The following EHMT1 variants were observed in gnomAD, a reference collection of about 807,000 sequenced individuals.
EHMT1 encodes histone-lysine N-methyltransferase EHMT1.
Under a neutral mutation model 147.2 loss-of-function variants are expected in EHMT1, and 15 were observed. That is an observed-to-expected ratio of 0.10 (90% CI 0.07 to 0.16). The LOEUF is 0.16. EHMT1 is among the 10% of genes least tolerant of loss of function. The probability of loss-of-function intolerance (pLI) is 1.00; values close to 1 mark genes in which losing one functional copy is unlikely to be tolerated. For synonymous variants in EHMT1, 795 were observed against 709.6 expected (o/e 1.12, Z -1.91); for missense variants, 1,587 against 1,772.4 (o/e 0.90, Z 1.88).
At chr9:137,629,134 C>G (rs538532794) in intron 1 of EHMT1, among the ~76,000 whole-genome samples, 1 of 151,240 alleles carries the variant, frequency 6.6e-6, no homozygotes, top group East Asian at 1.9e-4. Context: ...CTCTCGTTGC[C>G]CAGGCTGGAG....
In EHMT1 at chr9:137,811,390, T is replaced by A; in HGVS notation, c.2713-71T>A. The A allele has an allele frequency of 3.1e-6, 5 of 1,602,118 alleles. No homozygotes were observed. The South Asian group carries it at 4.4e-5, about 14-fold the overall frequency. ...TCTCCCCGGGCACATGGGCTGCAGC[T>A]GCTGTGGCCCAGCCCCAGCACTGTG... On this transcript the variant is annotated intron_variant, in intron 18 of 26. Coordinates refer to ENST00000460843, the MANE Select transcript of EHMT1 (RefSeq NM_024757.5).
intron 2 of EHMT1, among the ~76,000 whole-genome samples, chr9:137,711,341 C>T (rs1488497043): frequency 1.3e-5 from 2 of 152,100 alleles, no homozygotes; most frequent in African/African-American, 2.4e-5. Context: ...GTCACGTCGC[C>T]GAAAACCGGA....
chr9:137,697,400 C>T (rs923956126), intron 1 of EHMT1, among the ~76,000 whole-genome samples: 2 of 152,192 alleles, frequency 1.3e-5, no homozygotes, highest in Admixed American at 6.5e-5. Context: ...GCTCATTTGC[C>T]CTGAGGGAGA....
rs1299215735 is a variant in EHMT1 at position 137,717,623 on chromosome 9, AAAAG to A, written c.642+443_642+446del. Among the ~76,000 whole-genome samples, 1,312 of 145,956 alleles carry A rather than the reference AAAAG, an allele frequency of 9.0e-3. 24 individuals are homozygous for A. Among genetic ancestry groups the A allele is most frequent in the Admixed American group, 0.04 (586 of 14,744 alleles). ...CCTGTCTCAAAAAAAAAAAAAAAAA[AAAAG>A]AGATGCTGCTAATGCCTTGTGCGTG... On this transcript the variant is annotated intron_variant, in intron 3 of 26. Transcript: ENST00000460843.
intron 1 of EHMT1, among the ~76,000 whole-genome samples, chr9:137,648,088 G>C (rs890631858): frequency 1.3e-5 from 2 of 151,992 alleles, no homozygotes; most frequent in Non-Finnish European, 2.9e-5. Context: ...TGGCTCCTGA[G>C]GTAATGAATT....
chr9:137,738,393 A>C (rs1163787654), intron 4 of EHMT1, among the ~76,000 whole-genome samples: 5 of 152,152 alleles, frequency 3.3e-5, no homozygotes. Context: ...GCAACTATCA[A>C]AACAGAAAAT....
intron 18 of EHMT1, among the ~76,000 whole-genome samples, chr9:137,805,781 G>A (rs1953896933): frequency 6.6e-6 from 1 of 151,852 alleles, no homozygotes. Context: ...TCATGCCTCA[G>A]CCTCCTGAGT....
In EHMT1 at chr9:137,809,969, C is replaced by A. The variant is rs55676822; in HGVS notation, c.2713-1492C>A. ...TCCGATGCCGCCCTGTGTGGACCGT[C>A]GGTGATGGGTCCGGAGGCGGTTCCG... On this transcript the variant is annotated intron_variant, in intron 18 of 26. Coordinates refer to ENST00000460843, the MANE Select transcript of EHMT1 (RefSeq NM_024757.5). Among the ~76,000 whole-genome samples, 201 of 109,598 alleles carry A rather than the reference C, an allele frequency of 1.8e-3. 62 individuals carry two copies. The highest frequency in any genetic ancestry group is 0.013 in the African/African-American group (188 of 14,432). The allele number at this position is 109,598 out of a possible 152,430, so 71.9% of individuals were successfully genotyped here.
intron 18 of EHMT1, 24 bp from the exon 19 acceptor site, chr9:137,811,437 G>A (rs370718549): frequency 6.2e-7 from 1 of 1,611,348 alleles, no homozygotes; most frequent in African/African-American, 1.3e-5. Flanking sequence ...AGCCTGCACT[G>A]AGCTCTGGCT....
At chr9:137,817,342 C>G in intron 23 of EHMT1, 97 bp from the exon 24 acceptor site, 1 of 1,390,938 alleles carries the variant, frequency 7.2e-7, no homozygotes, top group African/African-American at 1.4e-5. Context: ...AGTTTTCTTC[C>G]TCATTTCAGT....
At chr9:137,637,132 C>T (rs1443959093) in intron 1 of EHMT1, among the ~76,000 whole-genome samples, 2 of 151,670 alleles carry the variant, frequency 1.3e-5, no homozygotes, top group Admixed American at 6.6e-5. Flanking sequence ...CTCCTGACCT[C>T]GTGATCTGCC....
At chr9:137,794,336 G>T (rs149222090) in intron 16 of EHMT1, among the ~76,000 whole-genome samples, 22 of 152,270 alleles carry the variant, frequency 1.4e-4, no homozygotes, top group Non-Finnish European at 2.4e-4. Flanking sequence ...TCTGGCTGTA[G>T]AATTGCTAGA....
Position 137,798,859 on chromosome 9 carries a change from A to G in EHMT1, c.2552A>G (p.His851Arg). 1.2e-6 allele frequency: 2 copies of G among 1,614,208 alleles called. No homozygotes were observed. Among genetic ancestry groups the G allele is most frequent in the Non-Finnish European group, 1.7e-6 (2 of 1,180,026 alleles). Residue 851 changes from histidine to arginine, a missense_variant, in exon 17 of 27, where the codon CAC (histidine) becomes CGC (arginine). Around this residue, in one of 7 missense-constraint regions of EHMT1, gnomAD observed 201 missense variants for 350.1 expected, o/e 0.57. Coordinates refer to ENST00000460843, the MANE Select transcript of EHMT1 (RefSeq NM_024757.5). ...TTGCACCTGGCTGCCAAGAAAGGCCACTACGAAGTGGTCCAGTACCTGCTT... is the reference window on the plus strand; with the variant it reads ...TTGCACCTGGCTGCCAAGAAAGGCCGCTACGAAGTGGTCCAGTACCTGCTT... ...TCLHLAAKKG[H>R]YEVVQYLLSN... is the part of the protein sequence containing the mutation.
intron 15 of EHMT1, chr9:137,784,086 A>C (rs1951771202): frequency 8.2e-7 from 1 of 1,215,152 alleles, no homozygotes; most frequent in Non-Finnish European, 1.2e-6. Flanking sequence ...TTATAAAGAA[A>C]AGAAATTTAT....
intron 4 of EHMT1, 162 bp from the exon 5 acceptor site, chr9:137,743,209 T>C (rs1417308566): frequency 4.1e-6 from 3 of 733,358 alleles, no homozygotes; most frequent in Non-Finnish European, 6.6e-6. Context: ...GAAGGATGCC[T>C]GTCACTGTGC....
In EHMT1 at chr9:137,776,731, C is replaced by T; in HGVS notation, c.1905C>T (p.Ser635=). 1 of 1,614,040 alleles carries T rather than the reference C, an allele frequency of 6.2e-7. No homozygotes were observed. The highest frequency in any genetic ancestry group is 8.5e-7 in the Non-Finnish European group (1 of 1,180,004). The change falls in exon 12 of 27, where the codon TCC becomes TCT. Residue 635 remains serine (S), a synonymous_variant. Transcript: ENST00000460843. The surrounding 1 kb of genome is among the most constrained non-coding windows in gnomAD (Gnocchi z 4.4). ...GTCCCCACTGTGGGGAGGAGAGCTC[C>T]AAGGCCAAAGAGGTGACGATAGCTA... ...SYCPHCGEES[S]KAKEVTIAKA...
chr9:137,676,480 C>G (rs1172292448), intron 1 of EHMT1: 2 of 152,566 alleles, frequency 1.3e-5, no homozygotes, highest in African/African-American at 4.8e-5. Context: ...ATCCTCCTGC[C>G]TCAGCCTCTG....
intron 1 of EHMT1, among the ~76,000 whole-genome samples, chr9:137,661,886 G>A (rs760850261): frequency 7.9e-5 from 12 of 151,730 alleles, no homozygotes; most frequent in Admixed American, 2.6e-4. Context: ...CACTGCAGCC[G>A]CCGCCTCCTG....
At chr9:137,677,548 C>T (rs922982511) in intron 1 of EHMT1, among the ~76,000 whole-genome samples, 1 of 151,968 alleles carries the variant, frequency 6.6e-6, no homozygotes, top group African/African-American at 2.4e-5. Context: ...GCCTCAGCCT[C>T]CCGAGTTGGT....
Sources: allele counts gnomAD v4.1 joint callset (sites outside exome capture counted in the v4.1 genomes callset), GRCh38; gene constraint gnomAD v4.1.1; regional missense constraint gnomAD v4.1.1; non-coding constraint Gnocchi (gnomAD v3.1); transcripts MANE v1.5; gene names NCBI Gene and HGNC (gene_info 2026-07-23, HGNC 2026-07-21).